The following SCFD2 variants were observed in gnomAD, a reference collection of about 807,000 sequenced individuals.
SCFD2 encodes sec1 family domain-containing protein 2.
In SCFD2, 54 loss-of-function variants were observed where a neutral mutation model predicts 58.9. The observed-to-expected ratio is 0.92, with a 90% CI of 0.74 to 1.15. The LOEUF (loss-of-function observed/expected upper bound fraction) is 1.15, where lower values mean the gene tolerates loss of function less well. Among genes scored for constraint, SCFD2 ranks in the 50% most tolerant of loss-of-function variants. The probability of loss-of-function intolerance (pLI) is 0.00; values close to 1 mark genes in which losing one functional copy is unlikely to be tolerated. For synonymous variants in SCFD2, 321 were observed against 335.9 expected, an observed-to-expected ratio of 0.96 and a Z score of 0.49; for missense variants, 805 against 836.6, an observed-to-expected ratio of 0.96 and a Z score of 0.47.
chr4:52,976,111 C>T (rs889947198), intron 5 of SCFD2, among the ~76,000 whole-genome samples: 1 of 151,792 alleles, frequency 6.6e-6, no homozygotes, highest in African/African-American at 2.4e-5. Flanking sequence ...CAACATGGCA[C>T]GTGTATGCAT....
intron 3 of SCFD2, among the ~76,000 whole-genome samples, chr4:53,303,313 AAAG>A (rs1304206969): frequency 6.6e-6 from 1 of 152,232 alleles, no homozygotes; most frequent in Non-Finnish European, 1.5e-5. Context: ...ACACTTCTCA[AAAG>A]AAGACATTTA....
At chr4:53,336,383 GA>G (rs1223659369) in intron 2 of SCFD2, among the ~76,000 whole-genome samples, 2 of 151,886 alleles carry the variant, frequency 1.3e-5, no homozygotes, top group Non-Finnish European at 2.9e-5. Flanking sequence ...TAGAGTAAAA[GA>G]AAAAAAGATA....
At chr4:53,147,969 A>G (rs1726384756) in intron 4 of SCFD2, among the ~76,000 whole-genome samples, 1 of 152,184 alleles carries the variant, frequency 6.6e-6, no homozygotes, top group Non-Finnish European at 1.5e-5. Flanking sequence ...AAAAGAAAAG[A>G]GTCCTGTGGT....
rs771297458 is a variant in SCFD2, at chr4:53,365,285, T to C, written c.657A>G (p.Leu219=). The C allele has an allele frequency of 1.2e-6, 2 of 1,614,136 alleles. No individual in the cohort carries two copies. Among genetic ancestry groups the C allele is most frequent in the South Asian group, 2.2e-5 (2 of 91,080 alleles). ...CACACAGAGAACTGAGGCCTGACAC[T>C]AGGCATCTGATCTGCAGCAGCAGCT... ...TPELLLQIRC[L]VSGLSSLCEH... is the part of the protein sequence containing the mutation. Residue 219 remains leucine (L), a synonymous_variant, in exon 1 of 9, where the codon CTA becomes CTG. Coordinates refer to ENST00000401642, the MANE Select transcript of SCFD2 (RefSeq NM_152540.4). The surrounding 1 kb of genome is among the most constrained non-coding windows in gnomAD (Gnocchi z 4.3).
chr4:53,009,578 G>A (rs1722051598), intron 5 of SCFD2, among the ~76,000 whole-genome samples: 2 of 152,142 alleles, frequency 1.3e-5, no homozygotes, highest in South Asian at 2.1e-4. Flanking sequence ...TGGAGTCAAA[G>A]TCTTCACAAA....
At chr4:53,343,948 G>A (rs547592485) in intron 2 of SCFD2, among the ~76,000 whole-genome samples, 13 of 152,134 alleles carry the variant, frequency 8.5e-5, no homozygotes, top group South Asian at 6.2e-4. Context: ...TTGATGGGAC[G>A]TATCTCAAAA....
intron 5 of SCFD2, among the ~76,000 whole-genome samples, chr4:52,943,694 C>T (rs1196680507): frequency 1.3e-5 from 2 of 152,144 alleles, no homozygotes; most frequent in Non-Finnish European, 2.9e-5. Context: ...AAAGACCCCA[C>T]CCCTTAATAC....
chr4:53,191,963 T>G (rs925885213), intron 4 of SCFD2, among the ~76,000 whole-genome samples: 1 of 152,168 alleles, frequency 6.6e-6, no homozygotes, highest in Non-Finnish European at 1.5e-5. Context: ...TGTCCCCACA[T>G]GCCTTAACAG....
rs185131799 is a variant in SCFD2 at position 53,133,185 on chromosome 4, G to A, written c.1561+12148C>T. Among the ~76,000 whole-genome samples, 580 of 152,060 alleles carry A rather than the reference G, an allele frequency of 3.8e-3. 1 individual carries two copies. Among genetic ancestry groups the A allele is most frequent in the Non-Finnish European group, 5.7e-3 (384 of 67,956 alleles). On this transcript the variant is annotated intron_variant, in intron 5 of 8. Transcript: ENST00000401642. ...CTACTAAAAATACAAGAAATTAGCC[G>A]GGCGTGGTGGCGGGTGCCTGTAGTC...
intron 2 of SCFD2, among the ~76,000 whole-genome samples, chr4:53,349,516 T>A (rs1734152954): frequency 6.6e-6 from 1 of 152,178 alleles, no homozygotes; most frequent in Non-Finnish European, 1.5e-5. Context: ...TGGAAGAATA[T>A]TTCTATTGAG....
At chr4:53,005,456 C>T (rs1721952970) in intron 5 of SCFD2, among the ~76,000 whole-genome samples, 2 of 152,188 alleles carry the variant, frequency 1.3e-5, no homozygotes, top group South Asian at 4.1e-4. Flanking sequence ...CAACCACTTC[C>T]ACTTTTTCAT....
At chr4:53,350,160 G>A (rs2149160865) in intron 2 of SCFD2, among the ~76,000 whole-genome samples, 1 of 152,280 alleles carries the variant, frequency 6.6e-6, no homozygotes, top group Admixed American at 6.5e-5. Context: ...TCCAGCATCT[G>A]TTCCCCCATC....
intron 5 of SCFD2, among the ~76,000 whole-genome samples, chr4:53,085,418 G>A (rs866660929): frequency 3.9e-5 from 6 of 152,024 alleles, no homozygotes; most frequent in African/African-American, 7.2e-5. Context: ...TTTCCTGTTC[G>A]TGGACTAGAA....
At chr4:53,249,748 G>T (rs1343371489) in intron 4 of SCFD2, among the ~76,000 whole-genome samples, 1 of 152,128 alleles carries the variant, frequency 6.6e-6, no homozygotes, top group African/African-American at 2.4e-5. Context: ...ACAAGCAAAT[G>T]CTGAGAGATT....
At chr4:52,972,086 G>T (rs1721118260) in intron 5 of SCFD2, among the ~76,000 whole-genome samples, 1 of 152,122 alleles carries the variant, frequency 6.6e-6, no homozygotes, top group African/African-American at 2.4e-5. Flanking sequence ...AGACCATCGA[G>T]GCTAGGAAGA....
At chr4:52,898,221 T>C (rs1346063978) in intron 7 of SCFD2, among the ~76,000 whole-genome samples, 1 of 152,218 alleles carries the variant, frequency 6.6e-6, no homozygotes, top group Non-Finnish European at 1.5e-5. Flanking sequence ...CTCTTGCTTC[T>C]CTAGTTCTTT....
chr4:53,132,827 G>T (rs886844145), intron 5 of SCFD2, among the ~76,000 whole-genome samples: 14 of 152,090 alleles, frequency 9.2e-5, no homozygotes, highest in African/African-American at 2.7e-4. Flanking sequence ...AAGGTTTAAG[G>T]GACAATTTTT....
At chr4:52,984,708 T>G (rs1721450256) in intron 5 of SCFD2, among the ~76,000 whole-genome samples, 1 of 152,204 alleles carries the variant, frequency 6.6e-6, no homozygotes, top group African/African-American at 2.4e-5. Flanking sequence ...AGGCCTGAAG[T>G]CATTTGTCAT....
chr4:53,098,430 G>A (rs1200926844), intron 5 of SCFD2, among the ~76,000 whole-genome samples: 1 of 152,050 alleles, frequency 6.6e-6, no homozygotes, highest in East Asian at 1.9e-4. Flanking sequence ...CAACTTCTTT[G>A]TGGTTTAGTC....
Sources: allele counts gnomAD v4.1 joint callset (sites outside exome capture counted in the v4.1 genomes callset), GRCh38; gene constraint gnomAD v4.1.1; non-coding constraint Gnocchi (gnomAD v3.1); transcripts MANE v1.5; gene names NCBI Gene and HGNC (gene_info 2026-07-23, HGNC 2026-07-21).